CACNB2: variants seen among roughly 807,000 people sequenced by gnomAD.
The protein encoded by CACNB2 is voltage-dependent L-type calcium channel subunit beta-2.
In CACNB2, 42 loss-of-function variants were observed where a neutral mutation model predicts 73.3. The observed-to-expected ratio is 0.57, with a 90% CI of 0.45 to 0.74. The LOEUF (loss-of-function observed/expected upper bound fraction) is 0.74. CACNB2 is among the 30% of genes least tolerant of loss of function. The pLI is 0.00. For missense variants in CACNB2, 940 were observed against 853.0 expected, an observed-to-expected ratio of 1.10 and a Z score of -1.27; for synonymous variants, 348 against 310.3, an observed-to-expected ratio of 1.12 and a Z score of -1.28.
At chr10:18,400,243 CA>C (rs2043922272) in intron 2 of CACNB2, among the ~76,000 whole-genome samples, 1 of 152,182 alleles carries the variant, frequency 6.6e-6, no homozygotes, top group South Asian at 2.1e-4. Flanking sequence ...TTTTGCTATG[CA>C]ATATTGCATA....
intron 2 of CACNB2, among the ~76,000 whole-genome samples, chr10:18,307,982 A>ATTTTTTTTTTTTT (rs1564423318): frequency 1.9e-5 from 1 of 52,670 alleles, no homozygotes; most frequent in Non-Finnish European, 4.1e-5. Context: ...ATATATGCCA[A>ATTTTTTTTTTTTT]CTTTTTTTTT....
chr10:18,391,728 A>T (rs541289716), intron 2 of CACNB2, among the ~76,000 whole-genome samples: 12 of 152,158 alleles, frequency 7.9e-5, no homozygotes, highest in African/African-American at 2.9e-4. Flanking sequence ...GGAGTTCGAG[A>T]CCAGCCTGGG....
At chr10:18,402,629 C>A (rs2044066771) in intron 3 of CACNB2, among the ~76,000 whole-genome samples, 1 of 152,176 alleles carries the variant, frequency 6.6e-6, no homozygotes, top group Non-Finnish European at 1.5e-5. Context: ...GGAGGGGAGA[C>A]TGCAAAGCAG....
intron 9 of CACNB2, among the ~76,000 whole-genome samples, chr10:18,526,199 G>A (rs1186871542): frequency 6.6e-6 from 1 of 152,152 alleles, no homozygotes; most frequent in African/African-American, 2.4e-5. Flanking sequence ...CTTACAATTT[G>A]GCAGTCAGAT....
chr10:18,230,736 T>C (rs1564362437), intron 2 of CACNB2, among the ~76,000 whole-genome samples: 1 of 152,296 alleles, frequency 6.6e-6, no homozygotes, highest in East Asian at 1.9e-4. Flanking sequence ...CCTCACCTCT[T>C]ACTAAATGGG....
chr10:18,309,152 G>C (rs1012553199), intron 2 of CACNB2, among the ~76,000 whole-genome samples: 2 of 152,094 alleles, frequency 1.3e-5, no homozygotes, highest in African/African-American at 2.4e-5. Context: ...AATATTGAAT[G>C]GTTATTTTCA....
chr10:18,162,895 T>G (rs771110216), intron 2 of CACNB2, among the ~76,000 whole-genome samples: 28 of 152,006 alleles, frequency 1.8e-4, no homozygotes, highest in Non-Finnish European at 3.5e-4. Flanking sequence ...TGTAAAACAG[T>G]GGGGATGCAC....
At chr10:18,357,484 C>T (rs928721529) in intron 2 of CACNB2, among the ~76,000 whole-genome samples, 35 of 152,204 alleles carry the variant, frequency 2.3e-4, no homozygotes, top group African/African-American at 3.4e-4. Context: ...ACTGCATGGA[C>T]GGATTAGCGG....
At chr10:18,498,742 TC>T in intron 4 of CACNB2, 1 of 438,416 alleles carries the variant, frequency 2.3e-6, no homozygotes, top group South Asian at 2.2e-5. Flanking sequence ...GAGTAGATGA[TC>T]CTTTTTTATG....
At chr10:18,384,122 G>A (rs767171005) in intron 2 of CACNB2, among the ~76,000 whole-genome samples, 4 of 152,118 alleles carry the variant, frequency 2.6e-5, no homozygotes, top group African/African-American at 2.4e-5. Flanking sequence ...AAGAGGCACC[G>A]TGTTCCCAAG....
intron 2 of CACNB2, among the ~76,000 whole-genome samples, chr10:18,324,225 A>G (rs1246244939): frequency 2.0e-5 from 3 of 152,232 alleles, no homozygotes; most frequent in Admixed American, 2.0e-4. Context: ...AAGTATTTGC[A>G]TACATGGGGT....
At position 18,140,784 on chromosome 10, in the gene CACNB2, G is replaced by A. The variant is rs776286531; in HGVS notation, c.48G>A (p.Ala16=). The A allele has an allele frequency of 6.3e-6, 10 of 1,599,668 alleles. No homozygotes were observed. Among genetic ancestry groups the A allele is most frequent in the Non-Finnish European group, 7.7e-6 (9 of 1,174,802 alleles). The change falls in exon 1 of 14, where the codon GCG becomes GCA. Residue 16 remains alanine, a synonymous_variant. Transcript: ENST00000324631. ...AGTCGCCTCCCACAGCGGCGGCGGC[G>A]GTGGCGCAGGAGATCCAGATGGAAC... The part of the protein sequence containing the change: ...MSKSPPTAAA[A]VAQEIQMELL...
At chr10:18,516,201 C>T (rs1036786943) in intron 7 of CACNB2, among the ~76,000 whole-genome samples, 1 of 150,860 alleles carries the variant, frequency 6.6e-6, no homozygotes, top group Non-Finnish European at 1.5e-5. Context: ...GGCAACAGAG[C>T]TAGATAACTC....
intron 2 of CACNB2, among the ~76,000 whole-genome samples, chr10:18,390,398 C>T (rs1463660551): frequency 1.3e-5 from 2 of 152,030 alleles, no homozygotes; most frequent in African/African-American, 4.8e-5. Flanking sequence ...TTTTTAGTAG[C>T]GATGGGGGTT....
At chr10:18,152,688 C>G (rs987378778) in intron 2 of CACNB2, among the ~76,000 whole-genome samples, 1 of 114,160 alleles carries the variant, frequency 8.8e-6, no homozygotes, top group African/African-American at 3.4e-5. Flanking sequence ...TCTGAGTCAT[C>G]ATGCAGGACC....
At position 18,140,780 on chromosome 10, in the gene CACNB2, C is replaced by T. The variant is rs897880041; in HGVS notation, c.44C>T (p.Ala15Val). Residue 15 changes from alanine to valine, a missense_variant, in exon 1 of 14, where the codon GCG (alanine) becomes GTG (valine). Coordinates refer to ENST00000324631, the MANE Select transcript of CACNB2 (RefSeq NM_201596.3). ...TCCAAGTCGCCTCCCACAGCGGCGGCGGCGGTGGCGCAGGAGATCCAGATG... is the reference window on the plus strand; with the variant it reads ...TCCAAGTCGCCTCCCACAGCGGCGGTGGCGGTGGCGCAGGAGATCCAGATG... The part of the protein sequence containing the change: ...DMSKSPPTAA[A>V]AVAQEIQMEL... The T allele has an allele frequency of 1.3e-6, 2 of 1,598,360 alleles. No homozygotes were observed. The highest frequency in any genetic ancestry group is 2.3e-5 in the East Asian group (1 of 44,296).
intron 2 of CACNB2, among the ~76,000 whole-genome samples, chr10:18,194,315 G>GC (rs1400492854): frequency 2.0e-5 from 3 of 152,104 alleles, no homozygotes; most frequent in African/African-American, 2.4e-5. Flanking sequence ...GCAACTCCAG[G>GC]CCCCCCAGCT....
intron 2 of CACNB2, among the ~76,000 whole-genome samples, chr10:18,371,762 C>A (rs1019175592): frequency 6.6e-6 from 1 of 152,102 alleles, no homozygotes; most frequent in African/African-American, 2.4e-5. Flanking sequence ...GTTCTAGATC[C>A]CTGAGGAATC....
intron 2 of CACNB2, among the ~76,000 whole-genome samples, chr10:18,210,035 A>G (rs571650335): frequency 6.6e-6 from 1 of 152,290 alleles, no homozygotes; most frequent in African/African-American, 2.4e-5. Context: ...ATCTTTGCTA[A>G]GGTTGAGAAG....
Sources: gnomAD v4.1 joint callset for allele counts (sites outside exome capture counted in the v4.1 genomes callset) on GRCh38, gnomAD v4.1.1 for gene constraint, MANE v1.5 for transcripts, NCBI Gene and HGNC (gene_info 2026-07-23, HGNC 2026-07-21) for gene names.